The following STC1 variants were observed in gnomAD, a reference collection of about 807,000 sequenced individuals.
The protein encoded by STC1 is stanniocalcin-1.
Under a neutral mutation model 22.6 loss-of-function variants are expected in STC1, and 7 were observed. The ratio of observed to expected loss-of-function variants is 0.31; its 90% CI spans 0.18 to 0.58. The LOEUF (loss-of-function observed/expected upper bound fraction) is 0.58. Ranked by LOEUF, STC1 falls within the 20% of genes least tolerant of loss-of-function variation. The pLI is 0.89. For synonymous variants in STC1, 113 were observed against 120.7 expected (o/e 0.94, Z 0.42); for missense variants, 224 against 311.0 (o/e 0.72, Z 2.10).
At chr8:23,851,269 A>T in intron 3 of STC1, 51 bp downstream of exon 3, 1 of 1,594,588 alleles carries the variant, frequency 6.3e-7, no homozygotes, top group Non-Finnish European at 8.6e-7. Context: ...TCTGCCAGCC[A>T]GCCACCTGCT....
chr8:23,854,211 C>T (rs1324136976), intron 1 of STC1, 195 bp downstream of exon 1: 5 of 1,071,134 alleles, frequency 4.7e-6, no homozygotes, highest in Non-Finnish European at 6.5e-6. Flanking sequence ...CCAGCTTCTT[C>T]GTTTAGTTGC....
At chr8:23,853,806 G>A (rs1482725024) in intron 1 of STC1, among the ~76,000 whole-genome samples, 2 of 152,138 alleles carry the variant, frequency 1.3e-5, no homozygotes, top group Non-Finnish European at 2.9e-5. Context: ...GGGCTGCAGG[G>A]ACGACTGAAT....
chr8:23,854,148 G>A, intron 1 of STC1: 1 of 1,283,516 alleles, frequency 7.8e-7, no homozygotes, highest in Non-Finnish European at 1.0e-6. Flanking sequence ...GTACGTGCCA[G>A]ATTTCAGGCA....
intron 3 of STC1, among the ~76,000 whole-genome samples, chr8:23,850,683 C>T (rs1339310418): frequency 6.6e-6 from 1 of 152,106 alleles, no homozygotes; most frequent in Admixed American, 6.6e-5. Flanking sequence ...AGCCATAAAA[C>T]ACACTCATTC....
Position 23,844,712 on chromosome 8 carries a change from G to A in STC1, c.*58C>T. 6 of 1,579,356 alleles carry A rather than the reference G, an allele frequency of 3.8e-6. No individual in the cohort carries two copies. The highest frequency in any genetic ancestry group is 3.4e-5 in the Admixed American group (2 of 58,306). ...CAGGCACAGTACACTCAAAACTGGT[G>A]TGTCAACACCCCTAAAATGATACTA... On this transcript the variant is annotated 3_prime_UTR_variant, in exon 4 of 4. Coordinates refer to ENST00000290271, the MANE Select transcript of STC1 (RefSeq NM_003155.3).
At chr8:23,848,792 G>C (rs1396863774) in intron 3 of STC1, among the ~76,000 whole-genome samples, 1 of 151,758 alleles carries the variant, frequency 6.6e-6, no homozygotes, top group Admixed American at 6.6e-5. Context: ...ATACTGCCTA[G>C]GAACGTTCTG....
At chr8:23,849,814 C>G (rs1802615898) in intron 3 of STC1, among the ~76,000 whole-genome samples, 1 of 152,126 alleles carries the variant, frequency 6.6e-6, no homozygotes, top group African/African-American at 2.4e-5. Flanking sequence ...TCCTTAGCCC[C>G]TGTCTGGCTA....
intron 3 of STC1, among the ~76,000 whole-genome samples, chr8:23,849,579 C>T (rs564926902): frequency 1.3e-5 from 2 of 152,238 alleles, no homozygotes; most frequent in African/African-American, 4.8e-5. Context: ...AAATTGGGAC[C>T]TCTAGTCGAG....
At position 23,854,672 on chromosome 8, in the gene STC1, T is replaced by G; in HGVS notation, c.-149A>C. Reference sequence around the variant, plus strand: ...GATGAGGATTTTTTTTTGTTGTTGTTGCTGGTGATGCTGCTGCTGCCACCG... The same window carrying G: ...GATGAGGATTTTTTTTTGTTGTTGTGGCTGGTGATGCTGCTGCTGCCACCG... On this transcript the variant is annotated 5_prime_UTR_variant, in exon 1 of 4. Transcript: ENST00000290271. The G allele has an allele frequency of 1.3e-6, 1 of 778,788 alleles. No individual in the cohort carries two copies. Among genetic ancestry groups the G allele is most frequent in the Non-Finnish European group, 2.3e-6 (1 of 439,492 alleles). 48.2% of individuals were successfully genotyped at this position (778,788 alleles called of 1,614,324 possible).
chr8:23,847,546 C>T (rs537280185), intron 3 of STC1, among the ~76,000 whole-genome samples: 61 of 152,360 alleles, frequency 4.0e-4, no homozygotes, highest in African/African-American at 1.4e-3. Context: ...ATTAGTAGTT[C>T]TTCAAAGGCT....
intron 3 of STC1, among the ~76,000 whole-genome samples, chr8:23,848,529 CAAAAAA>C (rs796433655): frequency 1.6e-4 from 10 of 63,616 alleles, no homozygotes; most frequent in Non-Finnish European, 2.7e-4. Flanking sequence ...GATACTCTGT[CAAAAAA>C]AAAAAAAAAA....
chr8:23,852,447 T>G, intron 1 of STC1, 63 bp from the exon 2 acceptor site: 1 of 1,527,608 alleles, frequency 6.5e-7, no homozygotes. Context: ...TGGGATCAAG[T>G]GGGTGCAGAG....
intron 1 of STC1, among the ~76,000 whole-genome samples, chr8:23,853,279 G>C (rs1305005151): frequency 6.6e-6 from 1 of 152,190 alleles, no homozygotes; most frequent in African/African-American, 2.4e-5. Context: ...TCAAAAGCAT[G>C]GTTCAGTTAG....
chr8:23,847,803 A>G (rs1181823793), intron 3 of STC1, among the ~76,000 whole-genome samples: 1 of 152,222 alleles, frequency 6.6e-6, no homozygotes, highest in East Asian at 1.9e-4. Context: ...TATAGTTCCT[A>G]TAGCTATTGG....
At chr8:23,852,528 C>A in intron 1 of STC1, 144 bp from the exon 2 acceptor site, 7 of 817,002 alleles carry the variant, frequency 8.6e-6, no homozygotes, top group Non-Finnish European at 1.1e-5. Flanking sequence ...TTGATAGACC[C>A]ATTTGATTGA....
Position 23,844,461 on chromosome 8 carries a change from A to C in STC1, c.*309T>G. The C allele has an allele frequency of 2.6e-6, 1 of 383,128 alleles. No homozygotes were observed. The highest frequency in any genetic ancestry group is 4.8e-6 in the Non-Finnish European group (1 of 207,776). The allele number at this position is 383,128 out of a possible 1,614,324, so 23.7% of individuals were successfully genotyped here. On this transcript the variant is annotated 3_prime_UTR_variant, in exon 4 of 4. Coordinates refer to ENST00000290271, the MANE Select transcript of STC1 (RefSeq NM_003155.3). ...TTACAATGGCTGGAGAGTTACATGA[A>C]TGTTTTGTGTTTGGGGGTGGTCTCA...
rs267601859 is a variant in STC1, at chr8:23,851,469, G to C, written c.324C>G (p.Phe108Leu). 7 of 1,614,062 alleles carry C rather than the reference G, an allele frequency of 4.3e-6. No individual in the cohort carries two copies. The highest frequency in any genetic ancestry group is 5.9e-6 in the Non-Finnish European group (7 of 1,180,050). ...AAGTGGAGCACCTCCGAATGGCGAG[G>C]AAGACCTTGGAGGTGACCCCGTTGG... ...CIANGVTSKV[F>L]LAIRRCSTFQ... The change falls in exon 3 of 4, where the codon TTC becomes TTG. Residue 108 changes from phenylalanine (F) to leucine (L), a missense_variant. By Grantham distance (22) the Phe-to-Leu change is conservative. Coordinates refer to ENST00000290271, the MANE Select transcript of STC1 (RefSeq NM_003155.3).
rs1379621673 is a variant in STC1 at position 23,851,523 on chromosome 8, T to C, written c.270A>G (p.Ala90=). The change falls in exon 3 of 4, where the codon GCA becomes GCG. Residue 90 remains alanine (A), a synonymous_variant. Transcript: ENST00000290271. ...TGCATTTTAAGCTCTCTTTGACGAA[T>C]GCTTTTCCCTGCCATGGAGGAAGGA... The part of the protein sequence containing the change: ...SAAKFDTQGK[A]FVKESLKCIA... The C allele has an allele frequency of 4.3e-6, 7 of 1,614,056 alleles. No homozygotes were observed. Among genetic ancestry groups the C allele is most frequent in the South Asian group, 2.2e-5 (2 of 91,062 alleles).
In STC1 at chr8:23,843,538, C is replaced by A. The variant is rs1243114597; in HGVS notation, c.*1232G>T. 6.6e-6 allele frequency: 1 copy of A among 152,598 alleles called. No homozygotes were observed. Among genetic ancestry groups the A allele is most frequent in the Non-Finnish European group, 1.5e-5 (1 of 68,050 alleles). 9.5% of individuals were successfully genotyped at this position (152,598 alleles called of 1,614,324 possible). On this transcript the variant is annotated 3_prime_UTR_variant, in exon 4 of 4. Coordinates refer to ENST00000290271, the MANE Select transcript of STC1 (RefSeq NM_003155.3). ...AAGTCTCCCACCCCATCATCATTTGCCAGAGTACCAGGCACCGATGAAAGG... is the reference window on the plus strand; with the variant it reads ...AAGTCTCCCACCCCATCATCATTTGACAGAGTACCAGGCACCGATGAAAGG...
Sources: gnomAD v4.1 joint callset for allele counts (sites outside exome capture counted in the v4.1 genomes callset) on GRCh38, gnomAD v4.1.1 for gene constraint, MANE v1.5 for transcripts, NCBI Gene and HGNC (gene_info 2026-07-23, HGNC 2026-07-21) for gene names.